Variants in GRID2 observed in about 807,000 individuals in gnomAD.
GRID2 encodes glutamate ionotropic receptor delta type subunit 2, also known as glutamate receptor ionotropic, delta-2.
GRID2 carries 33 observed loss-of-function variants against 114.8 expected under a neutral mutation model. That is an observed-to-expected ratio of 0.29 (90% confidence interval 0.22 to 0.38). GRID2 has a LOEUF of 0.38. GRID2 is among the 10% of genes least tolerant of loss of function. The pLI, the probability that GRID2 is intolerant of heterozygous loss-of-function variation, is 1.00. For synonymous variants in GRID2, 505 were observed against 449.9 expected (o/e 1.12, Z -1.55); for missense variants, 1,184 against 1,257.7 (o/e 0.94, Z 0.89).
chr4:92,591,255 A>G (rs757228364), intron 2 of GRID2, among the ~76,000 whole-genome samples: 15 of 152,132 alleles, frequency 9.9e-5, no homozygotes, highest in Non-Finnish European at 1.9e-4. Flanking sequence ...CCGTCTGTGA[A>G]GCAGAAGAAG....
At chr4:93,171,481 A>G (rs1254703656) in intron 4 of GRID2, among the ~76,000 whole-genome samples, 2 of 152,220 alleles carry the variant, frequency 1.3e-5, no homozygotes, top group Non-Finnish European at 2.9e-5. Flanking sequence ...CTAACATTCT[A>G]TATATTTTAC....
chr4:92,716,415 C>T (rs184224153), intron 2 of GRID2, among the ~76,000 whole-genome samples: 44 of 152,220 alleles, frequency 2.9e-4, no homozygotes, highest in African/African-American at 1.0e-3. Context: ...TGGTCATGTC[C>T]CCTGCCTTAA....
intron 2 of GRID2, among the ~76,000 whole-genome samples, chr4:92,618,266 G>A (rs1047679309): frequency 1.2e-4 from 18 of 151,616 alleles, no homozygotes; most frequent in African/African-American, 3.9e-4. Context: ...TGAAGAGATT[G>A]TCTCTGCCTT....
At chr4:92,338,502 C>T (rs536842716) in intron 1 of GRID2, among the ~76,000 whole-genome samples, 6 of 152,024 alleles carry the variant, frequency 3.9e-5, no homozygotes, top group Admixed American at 3.9e-4. Flanking sequence ...AACATTGTTC[C>T]TGGTGTTGAG....
intron 1 of GRID2, among the ~76,000 whole-genome samples, chr4:92,507,061 A>C (rs1186034322): frequency 3.3e-5 from 5 of 151,868 alleles, no homozygotes; most frequent in African/African-American, 9.7e-5. Context: ...TTTGAAAAAA[A>C]GCAGTCTACT....
At chr4:93,115,574 T>G (rs1186400837) in intron 4 of GRID2, among the ~76,000 whole-genome samples, 1 of 152,120 alleles carries the variant, frequency 6.6e-6, no homozygotes, top group Non-Finnish European at 1.5e-5. Flanking sequence ...CCTTGGTAAA[T>G]GTATTAGTCC....
intron 7 of GRID2, among the ~76,000 whole-genome samples, chr4:93,225,540 T>C (rs1200487687): frequency 6.6e-6 from 1 of 152,202 alleles, no homozygotes; most frequent in East Asian, 1.9e-4. Flanking sequence ...ATTTGGAAGT[T>C]TATATTCTGT....
intron 2 of GRID2, among the ~76,000 whole-genome samples, chr4:93,076,794 T>A (rs919047406): frequency 2.0e-5 from 3 of 151,962 alleles, no homozygotes; most frequent in African/African-American, 4.8e-5. Context: ...ATTTTTGTAT[T>A]TTTAGTAGAG....
At chr4:92,893,654 A>G (rs1403583621) in intron 2 of GRID2, among the ~76,000 whole-genome samples, 1 of 152,094 alleles carries the variant, frequency 6.6e-6, no homozygotes. Flanking sequence ...TCTTGGGTGT[A>G]AAGAGATAAT....
At chr4:93,697,549 A>G (rs1357747667) in intron 14 of GRID2, among the ~76,000 whole-genome samples, 1 of 152,050 alleles carries the variant, frequency 6.6e-6, no homozygotes, top group African/African-American at 2.4e-5. Flanking sequence ...AAAATCAATT[A>G]TCATCCATAT....
At chr4:93,661,820 A>G (rs368840400) in intron 14 of GRID2, among the ~76,000 whole-genome samples, 1 of 152,192 alleles carries the variant, frequency 6.6e-6, no homozygotes, top group African/African-American at 2.4e-5. Flanking sequence ...TTACAGTGTC[A>G]TCAACAAAAC....
At chr4:93,631,295 C>G (rs980356713) in intron 14 of GRID2, among the ~76,000 whole-genome samples, 14 of 151,900 alleles carry the variant, frequency 9.2e-5, no homozygotes, top group Admixed American at 2.6e-4. Flanking sequence ...TATACATGTG[C>G]CATGTTGGTG....
intron 2 of GRID2, among the ~76,000 whole-genome samples, chr4:92,926,508 C>T (rs943718747): frequency 6.6e-6 from 1 of 151,834 alleles, no homozygotes; most frequent in Admixed American, 6.6e-5. Context: ...CTAAACAAGG[C>T]ATATAAATAT....
chr4:93,636,169 C>T (rs1432183439), intron 14 of GRID2, among the ~76,000 whole-genome samples: 1 of 152,112 alleles, frequency 6.6e-6, no homozygotes, highest in Non-Finnish European at 1.5e-5. Flanking sequence ...GTGCAAGGTG[C>T]AAGGCAGTAT....
rs576108616 is a variant in GRID2 at position 93,727,981 on chromosome 4, G to T, written c.2361-41229G>T. Among the ~76,000 whole-genome samples the T allele has an allele frequency of 4.6e-5, 7 of 152,024 alleles. No individual in the cohort carries two copies. In the South Asian group the frequency reaches 6.2e-4, roughly 14 times the overall value. ...TTTGAAGGGTTTTTTGTGTCTCTATGTCCTTCAGTTCTGCTCTGATCTTAG... is the reference window on the plus strand; with the variant it reads ...TTTGAAGGGTTTTTTGTGTCTCTATTTCCTTCAGTTCTGCTCTGATCTTAG... On this transcript the variant is annotated intron_variant, in intron 14 of 15. Coordinates refer to ENST00000282020, the MANE Select transcript of GRID2 (RefSeq NM_001510.4).
chr4:92,984,403 C>T (rs1754385105), intron 2 of GRID2, among the ~76,000 whole-genome samples: 1 of 152,232 alleles, frequency 6.6e-6, no homozygotes, highest in African/African-American at 2.4e-5. Flanking sequence ...GATATTTTAC[C>T]TGTCTACATA....
At chr4:92,725,665 C>T (rs1279783414) in intron 2 of GRID2, among the ~76,000 whole-genome samples, 1 of 152,030 alleles carries the variant, frequency 6.6e-6, no homozygotes, top group Non-Finnish European at 1.5e-5. Flanking sequence ...GCCATAAAGC[C>T]AAGGAAATAA....
intron 14 of GRID2, among the ~76,000 whole-genome samples, chr4:93,731,885 A>T (rs933839594): frequency 6.6e-6 from 1 of 152,166 alleles, no homozygotes; most frequent in Non-Finnish European, 1.5e-5. Context: ...CTGTAAGCCA[A>T]GTTTTGCTTC....
chr4:92,905,091 A>G (rs1221877673), intron 2 of GRID2, among the ~76,000 whole-genome samples: 4 of 152,032 alleles, frequency 2.6e-5, no homozygotes, highest in African/African-American at 9.7e-5. Context: ...AATGCTATAT[A>G]GAGATTTTAC....
Sources: gnomAD v4.1 joint callset for allele counts (sites outside exome capture counted in the v4.1 genomes callset) on GRCh38, gnomAD v4.1.1 for gene constraint, MANE v1.5 for transcripts, NCBI Gene and HGNC (gene_info 2026-07-23, HGNC 2026-07-21) for gene names.